Variants in CSMD3 observed in about 807,000 individuals in gnomAD.
CSMD3 encodes CUB and sushi domain-containing protein 3.
Under a neutral mutation model 435.2 loss-of-function variants are expected in CSMD3, and 177 were observed. That is an observed-to-expected ratio of 0.41 (90% CI 0.36 to 0.46). The LOEUF (loss-of-function observed/expected upper bound fraction) is 0.46, where lower values mean the gene tolerates loss of function less well. Ranked by LOEUF, CSMD3 falls within the 20% of genes least tolerant of loss-of-function variation. CSMD3 has a pLI of 0.34. For synonymous variants in CSMD3, 1,656 were observed against 1,520.5 expected (o/e 1.09, Z -2.07); for missense variants, 4,265 against 4,504.6 (o/e 0.95, Z 1.52).
intron 7 of CSMD3, among the ~76,000 whole-genome samples, chr8:112,958,613 T>G (rs2084119315): frequency 6.6e-6 from 1 of 152,110 alleles, no homozygotes; most frequent in Non-Finnish European, 1.5e-5. Context: ...TGATTGACTC[T>G]TACTTAAACC....
At chr8:112,679,589 A>T (rs1259493258) in intron 16 of CSMD3, among the ~76,000 whole-genome samples, 1 of 152,196 alleles carries the variant, frequency 6.6e-6, no homozygotes, top group Non-Finnish European at 1.5e-5. Context: ...TTTAAAAGTT[A>T]AATACCATTT....
chr8:112,879,649 AC>A (rs891314556), intron 10 of CSMD3, among the ~76,000 whole-genome samples: 10 of 151,954 alleles, frequency 6.6e-5, no homozygotes, highest in African/African-American at 2.4e-4. Context: ...TCCCCCAGAC[AC>A]CCAGCTTTAA....
At chr8:113,435,823 T>C (rs2094702626) in intron 1 of CSMD3, among the ~76,000 whole-genome samples, 1 of 152,184 alleles carries the variant, frequency 6.6e-6, no homozygotes, top group South Asian at 2.1e-4. Context: ...GCTATGGATC[T>C]ATTTTCTCCC....
intron 5 of CSMD3, among the ~76,000 whole-genome samples, chr8:113,069,148 T>A (rs2088992061): frequency 6.6e-6 from 1 of 152,144 alleles, no homozygotes; most frequent in Admixed American, 6.6e-5. Flanking sequence ...TTCCCTAATT[T>A]GCTTCAAAGT....
At chr8:113,100,507 C>T (rs2131554300) in intron 4 of CSMD3, among the ~76,000 whole-genome samples, 1 of 152,176 alleles carries the variant, frequency 6.6e-6, no homozygotes, top group Middle Eastern at 3.4e-3. Flanking sequence ...AACTGGCCCA[C>T]AATCTATTTA....
intron 38 of CSMD3, among the ~76,000 whole-genome samples, chr8:112,362,790 A>G (rs1024914346): frequency 6.6e-6 from 1 of 151,980 alleles, no homozygotes; most frequent in Non-Finnish European, 1.5e-5. Flanking sequence ...GTACTGAAAA[A>G]TTATATATTT....
chr8:112,316,088 A>G (rs1356123159), intron 47 of CSMD3, among the ~76,000 whole-genome samples: 3 of 151,864 alleles, frequency 2.0e-5, no homozygotes, highest in Non-Finnish European at 3.0e-5. Context: ...TTCTCTATAA[A>G]CATGTTAATA....
rs193018661 is a variant in CSMD3, at chr8:113,372,454, C to T, written c.179-57661G>A. On this transcript the variant is annotated intron_variant, in intron 1 of 70. Transcript: ENST00000297405. ...AAGCGGATTGGAGGATCTTAACTTA[C>T]TCTTCTGCTAAATTTCTAGTGTTTC... Among the ~76,000 whole-genome samples the T allele has an allele frequency of 5.7e-4, 86 of 152,208 alleles. 1 individual carries two copies. Among genetic ancestry groups the T allele is most frequent in the African/African-American group, 2.0e-3 (84 of 41,546 alleles).
intron 16 of CSMD3, among the ~76,000 whole-genome samples, chr8:112,673,010 G>A (rs1309138259): frequency 6.6e-6 from 1 of 151,986 alleles, no homozygotes; most frequent in Non-Finnish European, 1.5e-5. Flanking sequence ...GGGGACCATG[G>A]GCTAAGCTAG....
At chr8:112,918,248 T>C (rs1460682512) in intron 10 of CSMD3, among the ~76,000 whole-genome samples, 1 of 151,932 alleles carries the variant, frequency 6.6e-6, no homozygotes. Context: ...AATTTCATGC[T>C]TTTTGAATAA....
intron 59 of CSMD3, among the ~76,000 whole-genome samples, chr8:112,277,570 G>T (rs1818191257): frequency 6.6e-6 from 1 of 152,090 alleles, no homozygotes; most frequent in Non-Finnish European, 1.5e-5. Context: ...CAGTTCCAAA[G>T]CCACTTCTAC....
At chr8:112,531,767 A>G (rs780987774) in intron 27 of CSMD3, among the ~76,000 whole-genome samples, 1 of 152,166 alleles carries the variant, frequency 6.6e-6, no homozygotes, top group Non-Finnish European at 1.5e-5. Context: ...ACAAGGCCAG[A>G]TTGTGAAAAC....
chr8:112,677,559 G>T (rs886877625), intron 16 of CSMD3, among the ~76,000 whole-genome samples: 2 of 149,768 alleles, frequency 1.3e-5, no homozygotes, highest in Admixed American at 1.4e-4. Context: ...TAGCAAAATT[G>T]TACTGTCTCA....
intron 1 of CSMD3, among the ~76,000 whole-genome samples, chr8:113,412,456 T>G (rs919620400): frequency 3.9e-5 from 6 of 152,146 alleles, no homozygotes; most frequent in African/African-American, 1.4e-4. Flanking sequence ...GCTGCTTTTA[T>G]AAAATGCAAT....
At chr8:113,397,831 A>C (rs745677977) in intron 1 of CSMD3, among the ~76,000 whole-genome samples, 143 of 137,230 alleles carry the variant, frequency 1.0e-3, no homozygotes, top group Admixed American at 2.0e-3. Context: ...AAAATAAATA[A>C]ATAAATAAAT....
chr8:112,271,390 G>T (rs1287178106), intron 59 of CSMD3, among the ~76,000 whole-genome samples: 2 of 152,060 alleles, frequency 1.3e-5, no homozygotes, highest in Admixed American at 6.6e-5. Flanking sequence ...AGAGAAATAG[G>T]TCATAAATTA....
intron 32 of CSMD3, 100 bp downstream of exon 32, chr8:112,472,491 T>C (rs1287501565): frequency 2.6e-6 from 2 of 769,118 alleles, no homozygotes; most frequent in Admixed American, 3.5e-5. Flanking sequence ...AAATACTTTA[T>C]GGATAGCACG....
At position 112,335,476 on chromosome 8, in the gene CSMD3, T is replaced by C. The variant is rs1824468126; in HGVS notation, c.7020-2A>G. On this transcript the variant is annotated splice_acceptor_variant, in intron 44 of 70. Transcript: ENST00000297405. LOFTEE classifies it high-confidence loss of function. ...GGTGAATTTTGGTCTGGTCCATCCC[T>C]ATGAGACAAGGATTGGGAAAGGAGG... 1 of 1,613,504 alleles carries C rather than the reference T, an allele frequency of 6.2e-7. No individual in the cohort carries two copies. Among genetic ancestry groups the C allele is most frequent in the Admixed American group, 1.7e-5 (1 of 59,980 alleles).
chr8:112,897,694 C>CTGTGTGTGTGTGTGTGTG (rs375797134), intron 10 of CSMD3, among the ~76,000 whole-genome samples: 11 of 90,964 alleles, frequency 1.2e-4, no homozygotes, highest in African/African-American at 4.8e-4. Flanking sequence ...CTCTCTCTCT[C>CTGTGTGTGTGTGTGTGTG]TGTGTGTGTG....
Sources: gnomAD v4.1 joint callset for allele counts (sites outside exome capture counted in the v4.1 genomes callset) on GRCh38, gnomAD v4.1.1 for gene constraint, MANE v1.5 for transcripts, NCBI Gene and HGNC (gene_info 2026-07-23, HGNC 2026-07-21) for gene names.